CSMD1: variants seen among roughly 807,000 people sequenced by gnomAD.
CSMD1 encodes the protein CUB and Sushi multiple domains 1.
Under a neutral mutation model 417.5 loss-of-function variants are expected in CSMD1, and 213 were observed. That is an observed-to-expected ratio of 0.51 (90% CI 0.46 to 0.57). The LOEUF (loss-of-function observed/expected upper bound fraction) is 0.57, where lower values mean the gene tolerates loss of function less well. Among genes scored for constraint, CSMD1 ranks in the 20% least tolerant of loss-of-function variants. The probability of loss-of-function intolerance (pLI) is 0.00; values close to 1 mark genes in which losing one functional copy is unlikely to be tolerated. For synonymous variants in CSMD1, 2,862 were observed against 1,736.8 expected, an observed-to-expected ratio of 1.65 and a Z score of -16.11; for missense variants, 6,923 against 4,529.7, an observed-to-expected ratio of 1.53 and a Z score of -15.17.
At chr8:3,093,314 G>A (rs1815076265) in intron 47 of CSMD1, among the ~76,000 whole-genome samples, 1 of 152,138 alleles carries the variant, frequency 6.6e-6, no homozygotes, top group South Asian at 2.1e-4. Flanking sequence ...TTGGAGGAGA[G>A]TCCCGCCCTT....
At chr8:3,384,526 G>C (rs974046453) in intron 18 of CSMD1, among the ~76,000 whole-genome samples, 16 of 150,716 alleles carry the variant, frequency 1.1e-4, no homozygotes, top group African/African-American at 3.9e-4. Context: ...CATATGCTCT[G>C]ATACAACATG....
chr8:3,818,611 A>G (rs904904919), intron 5 of CSMD1, among the ~76,000 whole-genome samples: 2 of 152,116 alleles, frequency 1.3e-5, no homozygotes, highest in Non-Finnish European at 2.9e-5. Context: ...AAAGGGAGAA[A>G]CAGGGTCCCA....
At position 2,957,340 on chromosome 8, in the gene CSMD1, G is replaced by A. The variant is rs559613293; in HGVS notation, c.9814+356C>T. Among the ~76,000 whole-genome samples the A allele has an allele frequency of 2.0e-5, 3 of 152,176 alleles. No homozygotes were observed. In the South Asian group the frequency reaches 6.2e-4, roughly 32 times the overall value. On this transcript the variant is annotated intron_variant, in intron 63 of 69. Coordinates refer to ENST00000635120, the MANE Select transcript of CSMD1 (RefSeq NM_033225.6). ...ACAAATAAGTTTTCCCTCTAAGAAT[G>A]TTCAATATAACATTATGCACTTATC...
Position 3,347,998 on chromosome 8 carries a change from A to T in CSMD1, c.3468T>A (p.Thr1156=). ...TGGAGAAGATTCTTTTTACCTTTAG[A>T]GTATCTCCTTCAAACAGCTGGAAGC... ...TRSFQLFEGD[T]LKVYDGKDSS... is the part of the protein sequence containing the mutation. Residue 1156 remains threonine (T), a synonymous_variant, in exon 22 of 70, where the codon ACT becomes ACA. Coordinates refer to ENST00000635120, the MANE Select transcript of CSMD1 (RefSeq NM_033225.6). 1 of 1,587,852 alleles carries T rather than the reference A, an allele frequency of 6.3e-7. No homozygotes were observed. Among genetic ancestry groups the T allele is most frequent in the Non-Finnish European group, 8.6e-7 (1 of 1,168,134 alleles).
At chr8:4,530,301 C>T (rs191980972) in intron 2 of CSMD1, among the ~76,000 whole-genome samples, 9 of 101,232 alleles carry the variant, frequency 8.9e-5, no homozygotes, top group African/African-American at 2.1e-4. Context: ...CACAGTTTAT[C>T]GTACAGGTAG....
chr8:4,857,871 T>G (rs1196922440), intron 1 of CSMD1, among the ~76,000 whole-genome samples: 2 of 151,606 alleles, frequency 1.3e-5, no homozygotes. Context: ...CTGAAACTAT[T>G]CCAATCAATA....
intron 7 of CSMD1, among the ~76,000 whole-genome samples, chr8:3,654,911 T>C (rs754306785): frequency 9.8e-5 from 15 of 152,290 alleles, no homozygotes; most frequent in Non-Finnish European, 2.1e-4. Flanking sequence ...CTCCACACAG[T>C]TGAGCCAGGG....
chr8:4,799,397 C>G (rs1469113466), intron 1 of CSMD1, among the ~76,000 whole-genome samples: 2 of 151,506 alleles, frequency 1.3e-5, no homozygotes, highest in South Asian at 4.2e-4. Context: ...AAATAGTCAT[C>G]CTCAGCCCGG....
chr8:3,843,485 G>A (rs571510975), intron 5 of CSMD1, among the ~76,000 whole-genome samples: 10 of 152,014 alleles, frequency 6.6e-5, no homozygotes, highest in Admixed American at 2.6e-4. Flanking sequence ...CTCGGACTTT[G>A]TGTACATGAA....
intron 3 of CSMD1, among the ~76,000 whole-genome samples, chr8:4,349,571 G>T (rs1020801331): frequency 6.6e-6 from 1 of 152,006 alleles, no homozygotes; most frequent in African/African-American, 2.4e-5. Flanking sequence ...TGACATAGAA[G>T]GCTTCAACAT....
chr8:4,711,531 A>C (rs1489103310), intron 1 of CSMD1, among the ~76,000 whole-genome samples: 1 of 152,164 alleles, frequency 6.6e-6, no homozygotes, highest in African/African-American at 2.4e-5. Flanking sequence ...CTGAAAAAAA[A>C]AGTGCTATGG....
chr8:4,800,939 A>T (rs1798251406), intron 1 of CSMD1, among the ~76,000 whole-genome samples: 1 of 152,142 alleles, frequency 6.6e-6, no homozygotes, highest in South Asian at 2.1e-4. Flanking sequence ...AAATCTCCTG[A>T]TTGTTATTTT....
intron 3 of CSMD1, among the ~76,000 whole-genome samples, chr8:4,403,746 C>T (rs1249160051): frequency 6.6e-6 from 1 of 152,176 alleles, no homozygotes. Context: ...CCTCATCTTA[C>T]TGCTAGCAAC....
chr8:4,187,298 T>G (rs926260686), intron 3 of CSMD1, among the ~76,000 whole-genome samples: 1 of 152,250 alleles, frequency 6.6e-6, no homozygotes, highest in South Asian at 2.1e-4. Context: ...CTTTCAGTCA[T>G]AGGAAAGGAC....
chr8:4,012,756 C>G (rs1214788925), intron 4 of CSMD1, among the ~76,000 whole-genome samples: 1 of 152,132 alleles, frequency 6.6e-6, no homozygotes, highest in East Asian at 1.9e-4. Context: ...GGTTCTTTTG[C>G]TCTTTCCATT....
rs1802647289 is a variant in CSMD1, at chr8:4,870,098, C to G, written c.85+124234G>C. ...TGAATAAAAGTGATATTCAATATTGCACACTCTTGATTTATTTATATTCAG... is the reference window on the plus strand; with the variant it reads ...TGAATAAAAGTGATATTCAATATTGGACACTCTTGATTTATTTATATTCAG... On this transcript the variant is annotated intron_variant, in intron 1 of 69. Transcript: ENST00000635120. 2.0e-5 allele frequency among the ~76,000 whole-genome samples: 3 copies of G among 152,052 alleles called. No individual in the cohort carries two copies. The South Asian group carries it at 6.2e-4, about 32-fold the overall frequency.
In CSMD1 at chr8:3,274,492, T is replaced by G. The variant is rs192981986; in HGVS notation, c.4153+9652A>C. ...AGTTCCTGGGTATGCTTGTTGACTT[T>G]CTGTCTTGTTGATCTGTCTAAAGTT... On this transcript the variant is annotated intron_variant, in intron 26 of 69. Coordinates refer to ENST00000635120, the MANE Select transcript of CSMD1 (RefSeq NM_033225.6). Among the ~76,000 whole-genome samples, 87 of 152,300 alleles carry G rather than the reference T, an allele frequency of 5.7e-4. 1 individual carries two copies. The highest frequency in any genetic ancestry group is 1.9e-3 in the African/African-American group (81 of 41,564).
intron 3 of CSMD1, among the ~76,000 whole-genome samples, chr8:4,044,582 G>A (rs1038608865): frequency 1.3e-5 from 2 of 152,290 alleles, no homozygotes; most frequent in East Asian, 1.9e-4. Flanking sequence ...TCACCGGAAG[G>A]ATAATTAAAT....
At chr8:3,970,968 C>G (rs1222657294) in intron 5 of CSMD1, among the ~76,000 whole-genome samples, 4 of 152,222 alleles carry the variant, frequency 2.6e-5, no homozygotes, top group South Asian at 2.1e-4. Flanking sequence ...CCGGGCTGGT[C>G]TCGAAGTCCT....
Sources: gnomAD v4.1 joint callset for allele counts (sites outside exome capture counted in the v4.1 genomes callset) on GRCh38, gnomAD v4.1.1 for gene constraint, MANE v1.5 for transcripts, NCBI Gene and HGNC (gene_info 2026-07-23, HGNC 2026-07-21) for gene names.